Variants in CSNK2A1 observed in about 807,000 individuals in gnomAD.
CSNK2A1 encodes casein kinase 2 alpha 1, also known as casein kinase II subunit alpha.
Under a neutral mutation model 62.9 loss-of-function variants are expected in CSNK2A1, and 10 were observed. The ratio of observed to expected loss-of-function variants is 0.16; its 90% confidence interval spans 0.10 to 0.27. The LOEUF (loss-of-function observed/expected upper bound fraction) is 0.27. Ranked by LOEUF, CSNK2A1 falls within the 10% of genes least tolerant of loss-of-function variation. The pLI is 1.00. For synonymous variants in CSNK2A1, 124 were observed against 167.8 expected, an observed-to-expected ratio of 0.74 and a Z score of 2.02; for missense variants, 160 against 492.0, an observed-to-expected ratio of 0.33 and a Z score of 6.38.
intron 1 of CSNK2A1, among the ~76,000 whole-genome samples, chr20:532,233 C>T (rs572476267): frequency 4.6e-5 from 7 of 151,630 alleles, no homozygotes; most frequent in East Asian, 1.9e-4. Context: ...GGCACGCTCT[C>T]GGCTTACTGC....
chr20:494,526 T>C (rs999330374), intron 8 of CSNK2A1: 12 of 152,216 alleles, frequency 7.9e-5, no homozygotes, highest in Admixed American at 2.6e-4. Flanking sequence ...CTACCAGCAA[T>C]GTATGAGAGA....
chr20:481,461 T>C lies in CSNK2A1; in HGVS notation c.*2500A>G, dbSNP rs2017954053. On this transcript the variant is annotated 3_prime_UTR_variant, in exon 14 of 14. Coordinates refer to ENST00000217244, the MANE Select transcript of CSNK2A1 (RefSeq NM_177559.3). ...AGGTAATTTACAACAACACGTAAGT[T>C]GTTACTCTGTAAACCCTTGCCTCCC... 2 of 151,494 alleles carry C rather than the reference T, an allele frequency of 1.3e-5. No homozygotes were observed. Among genetic ancestry groups the C allele is most frequent in the South Asian group, 4.2e-4 (2 of 4,812 alleles). 9.4% of individuals were successfully genotyped at this position (151,494 alleles called of 1,614,324 possible). A position where few individuals can be genotyped will look rare whatever the true frequency, so the allele number is the denominator to read the frequency against.
chr20:476,146 G>A lies in CSNK2A1; in HGVS notation c.*7815C>T, dbSNP rs2017844609. Reference sequence around the variant, plus strand: ...GTTCTGATCCCAGGCATGGGCCTTGGCAGCTGAAACTTGTTAGGCTGGGCC... The same window carrying A: ...GTTCTGATCCCAGGCATGGGCCTTGACAGCTGAAACTTGTTAGGCTGGGCC... On this transcript the variant is annotated 3_prime_UTR_variant, in exon 14 of 14. Transcript: ENST00000217244. 6.6e-6 allele frequency: 1 copy of A among 152,414 alleles called. No homozygotes were observed. Among genetic ancestry groups the A allele is most frequent in the Admixed American group, 6.5e-5 (1 of 15,288 alleles). The allele number at this position is 152,414 out of a possible 1,614,324, so 9.4% of individuals were successfully genotyped here.
At chr20:487,765 T>A in intron 11 of CSNK2A1, 190 bp from the exon 12 acceptor site, 2 of 682,986 alleles carry the variant, frequency 2.9e-6, no homozygotes, top group Non-Finnish European at 4.8e-6. Context: ...GGAAACAACA[T>A]AGCTAGAGTG....
At chr20:541,528 A>G (rs775736472) in intron 1 of CSNK2A1, among the ~76,000 whole-genome samples, 1 of 152,230 alleles carries the variant, frequency 6.6e-6, no homozygotes, top group Non-Finnish European at 1.5e-5. Flanking sequence ...ATGTGACACA[A>G]AGATGTATGT....
intron 2 of CSNK2A1, among the ~76,000 whole-genome samples, chr20:524,598 C>CG (rs1360464995): frequency 4.9e-5 from 7 of 142,994 alleles, no homozygotes; most frequent in Non-Finnish European, 1.1e-4. Flanking sequence ...GGTGTGGTGG[C>CG]GGGTGCCTAT....
chr20:513,035 T>TCTA (rs1448234416), intron 2 of CSNK2A1, among the ~76,000 whole-genome samples: 1 of 152,118 alleles, frequency 6.6e-6, no homozygotes, highest in Non-Finnish European at 1.5e-5. Flanking sequence ...TAGAGAAAGG[T>TCTA]GTAGGTGTGA....
Position 499,973 on chromosome 20 carries a change from AAAAT to A in CSNK2A1, c.214-43_214-40del, listed in dbSNP as rs371465673. 485 of 1,538,956 alleles carry A rather than the reference AAAAT, an allele frequency of 3.2e-4. 1 individual carries two copies. The highest frequency in any genetic ancestry group is 9.9e-4 in the African/African-American group (70 of 70,998). ...AGTACATCAGCAAAAAAAAAAAAAAAAAATTTTTTCAGAGTATTTCAACACGTAG... is the reference window on the plus strand; with the variant it reads ...AGTACATCAGCAAAAAAAAAAAAAAATTTTTCAGAGTATTTCAACACGTAG... On this transcript the variant is annotated intron_variant, in intron 4 of 13. Transcript: ENST00000217244. The surrounding 1 kb of genome is among the most constrained non-coding windows in gnomAD (Gnocchi z 4.2).
intron 6 of CSNK2A1, chr20:498,938 G>A (rs912437043): frequency 2.3e-5 from 4 of 177,154 alleles, no homozygotes; most frequent in East Asian, 2.8e-4. Flanking sequence ...TGTTTAAAGC[G>A]AATTGCCATA....
At chr20:517,878 A>G (rs2018860696) in intron 2 of CSNK2A1, among the ~76,000 whole-genome samples, 1 of 152,176 alleles carries the variant, frequency 6.6e-6, no homozygotes, top group Non-Finnish European at 1.5e-5. Context: ...TCTGATTTGG[A>G]GACTATTAGT....
chr20:489,371 A>C (rs2018167672), intron 10 of CSNK2A1: 3 of 226,598 alleles, frequency 1.3e-5, no homozygotes, highest in Admixed American at 1.1e-4. Context: ...TTGTGAATGA[A>C]AGAGCCCTTT....
At position 478,852 on chromosome 20, in the gene CSNK2A1, G is replaced by A; in HGVS notation, c.*5109C>T. Reference sequence around the variant, plus strand: ...TGAGTTGGGAGGATCACCTGAGCCTGGGAGGTTGAGGCTGCAGTGAGCTGT... The same window carrying A: ...TGAGTTGGGAGGATCACCTGAGCCTAGGAGGTTGAGGCTGCAGTGAGCTGT... On this transcript the variant is annotated 3_prime_UTR_variant, in exon 14 of 14. Coordinates refer to ENST00000217244, the MANE Select transcript of CSNK2A1 (RefSeq NM_177559.3). 3.8e-6 allele frequency: 1 copy of A among 263,150 alleles called. No homozygotes were observed. The highest frequency in any genetic ancestry group is 3.0e-5 in the South Asian group (1 of 33,044). The allele number at this position is 263,150 out of a possible 1,614,324, so 16.3% of individuals were successfully genotyped here.
intron 3 of CSNK2A1, chr20:507,269 C>G (rs1051804699): frequency 3.9e-5 from 6 of 152,160 alleles, no homozygotes; most frequent in Non-Finnish European, 8.8e-5. Flanking sequence ...TCCACACACA[C>G]ACATACACAA....
chr20:494,857 T>G (rs1380455114), intron 8 of CSNK2A1: 1 of 152,260 alleles, frequency 6.6e-6, no homozygotes, highest in African/African-American at 2.4e-5. Flanking sequence ...TTACTCTGCC[T>G]TGGGACATGT....
At position 487,469 on chromosome 20, in the gene CSNK2A1, A is replaced by C; in HGVS notation, c.931T>G (p.Ser311Ala). The change falls in exon 12 of 14, where the codon TCA (serine) becomes GCA (alanine). Residue 311 changes from serine (S) to alanine (A), a missense_variant. Ser to Ala is a moderately conservative substitution (Grantham distance 99, BLOSUM62 1). Transcript: ENST00000217244. Reference sequence around the variant, plus strand: ...ATTGCCTCTCTTGCAGTAAGCCGTGACTGGTGGTCATATCGCAGCAGTTTG... The same window carrying C: ...ATTGCCTCTCTTGCAGTAAGCCGTGCCTGGTGGTCATATCGCAGCAGTTTG... ...LDKLLRYDHQSRLTAREAMEH... is the reference protein window; with the variant it reads ...LDKLLRYDHQARLTAREAMEH... 1.9e-6 allele frequency: 3 copies of C among 1,614,206 alleles called. No homozygotes were observed. The highest frequency in any genetic ancestry group is 2.5e-6 in the Non-Finnish European group (3 of 1,180,036).
At chr20:540,199 T>C (rs372787201) in intron 1 of CSNK2A1, among the ~76,000 whole-genome samples, 5 of 152,210 alleles carry the variant, frequency 3.3e-5, no homozygotes, top group East Asian at 3.8e-4. Context: ...TCTGTCTCTT[T>C]CAATCCAAAC....
rs2018124572 is a variant in CSNK2A1 at position 487,473 on chromosome 20, G to A, written c.927C>T (p.His309=). ...DFLDKLLRYD[H]QSRLTAREAM... ...CCTCTCTTGCAGTAAGCCGTGACTG[G>A]TGGTCATATCGCAGCAGTTTGTCCA... The change falls in exon 12 of 14, where the codon CAC becomes CAT. Residue 309 remains histidine (H), a synonymous_variant. Transcript: ENST00000217244. 3 of 1,614,196 alleles carry A rather than the reference G, an allele frequency of 1.9e-6. No homozygotes were observed. The highest frequency in any genetic ancestry group is 2.5e-6 in the Non-Finnish European group (3 of 1,180,030).
At chr20:495,045 C>G (rs2018317874) in intron 8 of CSNK2A1, 1 of 152,028 alleles carries the variant, frequency 6.6e-6, no homozygotes. Context: ...AAATGTAGCT[C>G]CTAAAAGACA....
intron 2 of CSNK2A1, among the ~76,000 whole-genome samples, chr20:515,130 T>C (rs1052692520): frequency 6.6e-6 from 1 of 152,164 alleles, no homozygotes; most frequent in African/African-American, 2.4e-5. Context: ...CTGTTAACAG[T>C]AGCACACGTG....
Sources: allele counts gnomAD v4.1 joint callset (sites outside exome capture counted in the v4.1 genomes callset), GRCh38; gene constraint gnomAD v4.1.1; non-coding constraint Gnocchi (gnomAD v3.1); transcripts MANE v1.5; gene names NCBI Gene and HGNC (gene_info 2026-07-23, HGNC 2026-07-21).